Variants in COP1 observed in about 807,000 individuals in gnomAD.
COP1 encodes the protein COP1 E3 ubiquitin ligase, also known as E3 ubiquitin-protein ligase COP1.
COP1 carries 24 observed loss-of-function variants against 101.3 expected under a neutral mutation model. That is an observed-to-expected ratio of 0.24 (90% CI 0.17 to 0.33). COP1 has a LOEUF of 0.33. Ranked by LOEUF, COP1 falls within the 10% of genes least tolerant of loss-of-function variation. The probability of loss-of-function intolerance (pLI) is 1.00; values close to 1 mark genes in which losing one functional copy is unlikely to be tolerated. For synonymous variants in COP1, 347 were observed against 341.9 expected (o/e 1.01, Z -0.17); for missense variants, 663 against 906.2 (o/e 0.73, Z 3.45).
intron 6 of COP1, among the ~76,000 whole-genome samples, chr1:176,141,750 A>G (rs1490835256): frequency 1.3e-5 from 2 of 149,754 alleles, no homozygotes; most frequent in African/African-American, 2.5e-5. Context: ...TTTTTTTTTA[A>G]GACAGGGACT....
chr1:176,003,894 G>T (rs1465706070), intron 15 of COP1, among the ~76,000 whole-genome samples: 2 of 151,558 alleles, frequency 1.3e-5, no homozygotes, highest in African/African-American at 2.4e-5. Context: ...GAAGAAAGGC[G>T]TTGGTAGCTT....
At chr1:176,072,859 TA>T (rs1251825799) in intron 11 of COP1, among the ~76,000 whole-genome samples, 1 of 152,204 alleles carries the variant, frequency 6.6e-6, no homozygotes, top group African/African-American at 2.4e-5. Context: ...AAAATTAGTA[TA>T]AAAAATATTC....
At chr1:176,030,798 T>A (rs1308233378) in intron 14 of COP1, among the ~76,000 whole-genome samples, 1 of 152,170 alleles carries the variant, frequency 6.6e-6, no homozygotes, top group Non-Finnish European at 1.5e-5. Context: ...CAAAAAGACA[T>A]GTTTCAGTCC....
chr1:175,969,236 T>C (rs1652758787), intron 18 of COP1, among the ~76,000 whole-genome samples: 1 of 152,218 alleles, frequency 6.6e-6, no homozygotes, highest in Non-Finnish European at 1.5e-5. Context: ...AGGTAGAATC[T>C]GTATGAAGAT....
At chr1:176,108,532 T>A (rs528781944) in intron 9 of COP1, among the ~76,000 whole-genome samples, 1 of 152,236 alleles carries the variant, frequency 6.6e-6, no homozygotes, top group Non-Finnish European at 1.5e-5. Flanking sequence ...TGGACGACTA[T>A]CAACTCAACT....
chr1:176,024,943 A>T (rs1347706240), intron 15 of COP1, among the ~76,000 whole-genome samples: 1 of 152,198 alleles, frequency 6.6e-6, no homozygotes, highest in Non-Finnish European at 1.5e-5. Context: ...GATAGTTAAA[A>T]AAGATAAAAT....
chr1:176,085,699 C>T, intron 10 of COP1, 77 bp downstream of exon 10: 1 of 811,076 alleles, frequency 1.2e-6, no homozygotes, highest in Non-Finnish European at 1.9e-6. Context: ...TAGGACTTTC[C>T]ATAAATTCAG....
rs1696873199 is a variant in COP1, at chr1:176,175,960, T to G, written c.515A>C (p.Lys172Thr). The G allele has an allele frequency of 1.3e-6, 2 of 1,593,842 alleles. No homozygotes were observed. Among genetic ancestry groups the G allele is most frequent in the African/African-American group, 2.7e-5 (2 of 74,530 alleles). The change falls in exon 3 of 20, where the codon AAG becomes ACG. Residue 172 changes from lysine to threonine, a missense_variant. Coordinates refer to ENST00000367669, the MANE Select transcript of COP1 (RefSeq NM_022457.7). ...QSLEDNNRCPKCNYVVDNIDH... is the reference protein window; with the variant it reads ...QSLEDNNRCPTCNYVVDNIDH... ...AATATTGTCCACAACATAGTTACAC[T>G]TGGGACATCTATTATTGTCCTCCAA...
chr1:176,204,820 C>A (rs1402841766), intron 1 of COP1, among the ~76,000 whole-genome samples: 4 of 152,036 alleles, frequency 2.6e-5, no homozygotes, highest in Admixed American at 6.5e-5. Flanking sequence ...AGCTACTACT[C>A]GGGAGGCTGA....
intron 18 of COP1, among the ~76,000 whole-genome samples, chr1:175,948,239 T>G (rs982682689): frequency 6.6e-6 from 1 of 152,154 alleles, no homozygotes; most frequent in Non-Finnish European, 1.5e-5. Flanking sequence ...TCTCAGAAAG[T>G]AGGAAGAATG....
At chr1:176,125,658 C>T (rs922955695) in intron 8 of COP1, among the ~76,000 whole-genome samples, 4 of 151,974 alleles carry the variant, frequency 2.6e-5, no homozygotes, top group African/African-American at 4.8e-5. Flanking sequence ...CAGGTAATAA[C>T]GATTCCTCTA....
intron 18 of COP1, among the ~76,000 whole-genome samples, chr1:175,966,492 C>T (rs1279599987): frequency 6.6e-6 from 1 of 152,134 alleles, no homozygotes; most frequent in African/African-American, 2.4e-5. Context: ...AATAACTTGT[C>T]CAAATTCATA....
chr1:176,085,797 T>C lies in COP1; in HGVS notation c.1120A>G (p.Thr374Ala). 1 of 1,598,210 alleles carries C rather than the reference T, an allele frequency of 6.3e-7. No individual in the cohort carries two copies. Among genetic ancestry groups the C allele is most frequent in the Non-Finnish European group, 8.6e-7 (1 of 1,167,758 alleles). The change falls in exon 10 of 20, where the codon ACA (threonine) becomes GCA (alanine). Residue 374 changes from threonine to alanine, a missense_variant. This residue lies in a region of COP1 where 212 missense variants were observed against 240.7 expected (regional missense o/e 0.88). Coordinates refer to ENST00000367669, the MANE Select transcript of COP1 (RefSeq NM_022457.7). ...FEDLEQCYFSTRMSRISDDSR... is the reference protein window; with the variant it reads ...FEDLEQCYFSARMSRISDDSR... ...ATACCTGAGATACGAGACATCCTTGTAGAAAAGTAACACTGCTCCAAGTCT... is the reference window on the plus strand; with the variant it reads ...ATACCTGAGATACGAGACATCCTTGCAGAAAAGTAACACTGCTCCAAGTCT...
intron 18 of COP1, among the ~76,000 whole-genome samples, chr1:175,975,469 C>T (rs972128011): frequency 2.0e-5 from 3 of 152,018 alleles, no homozygotes; most frequent in African/African-American, 7.2e-5. Flanking sequence ...GAGTGCAGTG[C>T]CACGATCTCG....
At chr1:176,115,984 T>C (rs1686122199) in intron 9 of COP1, among the ~76,000 whole-genome samples, 1 of 152,224 alleles carries the variant, frequency 6.6e-6, no homozygotes, top group Admixed American at 6.5e-5. Context: ...CAATGACAGA[T>C]TTATAATTTT....
intron 1 of COP1, among the ~76,000 whole-genome samples, chr1:176,192,148 G>A (rs1253812273): frequency 6.6e-6 from 1 of 152,066 alleles, no homozygotes; most frequent in Non-Finnish European, 1.5e-5. Context: ...ATATGGCCAA[G>A]AAGTATCTCT....
chr1:176,136,324 TG>T (rs927464410), intron 7 of COP1, among the ~76,000 whole-genome samples, 163 bp downstream of exon 7: 1 of 152,032 alleles, frequency 6.6e-6, no homozygotes, highest in South Asian at 2.1e-4. Flanking sequence ...GTGTTCAGAA[TG>T]TTTTTTTCTA....
At chr1:176,076,337 A>C (rs1228864822) in intron 11 of COP1, among the ~76,000 whole-genome samples, 3 of 152,186 alleles carry the variant, frequency 2.0e-5, no homozygotes, top group Non-Finnish European at 2.9e-5. Flanking sequence ...AACTACACAA[A>C]AACATTAAAA....
chr1:176,008,440 C>T (rs1324245192), intron 15 of COP1, among the ~76,000 whole-genome samples: 1 of 152,196 alleles, frequency 6.6e-6, no homozygotes, highest in East Asian at 1.9e-4. Context: ...AGTTATGATA[C>T]TTTCAACAAC....
Sources: gnomAD v4.1 joint callset for allele counts (sites outside exome capture counted in the v4.1 genomes callset) on GRCh38, gnomAD v4.1.1 for gene constraint, gnomAD v4.1.1 regional missense constraint, MANE v1.5 for transcripts, NCBI Gene and HGNC (gene_info 2026-07-23, HGNC 2026-07-21) for gene names.